The following ABHD18 variants were observed in gnomAD, a reference collection of about 807,000 sequenced individuals.
ABHD18 encodes abhydrolase domain containing 18.
Under a neutral mutation model 65.9 loss-of-function variants are expected in ABHD18, and 55 were observed. The observed-to-expected ratio is 0.84, with a 90% confidence interval of 0.67 to 1.05. The LOEUF is 1.05. ABHD18 is among the 50% of genes least tolerant of loss of function. ABHD18 has a pLI of 0.00. For synonymous variants in ABHD18, 181 were observed against 180.2 expected (o/e 1.00, Z -0.04); for missense variants, 533 against 558.5 (o/e 0.95, Z 0.46).
intron 4 of ABHD18, among the ~76,000 whole-genome samples, chr4:128,007,571 A>G (rs1753811253): frequency 6.6e-6 from 1 of 150,770 alleles, no homozygotes; most frequent in Admixed American, 6.7e-5. Flanking sequence ...GCGAGACCCC[A>G]TGTCTAAAAA....
At position 127,973,593 on chromosome 4, in the gene ABHD18, A is replaced by G. The variant is rs1229981410; in HGVS notation, c.-18+7987A>G. Among the ~76,000 whole-genome samples, 5 of 152,090 alleles carry G rather than the reference A, an allele frequency of 3.3e-5. No homozygotes were observed. In the East Asian group the frequency reaches 9.6e-4, roughly 29 times the overall value. ...CCTTCCTTGAGTTTGGGCAGAACCC[A>G]TGATTTGCTTTCTAACCAGGCATAT... On this transcript the variant is annotated intron_variant, in intron 1 of 12. Coordinates refer to ENST00000645843, the MANE Select transcript of ABHD18 (RefSeq NM_001358451.3).
intron 1 of ABHD18, among the ~76,000 whole-genome samples, chr4:127,980,825 CAAAAAA>C (rs768450115): frequency 1.9e-4 from 9 of 46,538 alleles, no homozygotes; most frequent in South Asian, 8.2e-4. Context: ...GACTGCATCT[CAAAAAA>C]AAAAAAAAAA....
At chr4:128,034,499 A>G (rs1184308540) in intron 12 of ABHD18, among the ~76,000 whole-genome samples, 1 of 152,116 alleles carries the variant, frequency 6.6e-6, no homozygotes, top group African/African-American at 2.4e-5. Flanking sequence ...CTTGAGGCCA[A>G]GAGTTTGAGG....
chr4:128,035,635 ATAGC>A lies in ABHD18; in HGVS notation c.1344-124_1344-121del, dbSNP rs1579503960. On this transcript the variant is annotated intron_variant, in intron 12 of 12. Coordinates refer to ENST00000645843, the MANE Select transcript of ABHD18 (RefSeq NM_001358451.3). ...TCTGGGGAGGGTAACTGCCTATTTC[ATAGC>A]TATTTAGAGAGGATGTCAAGTTGCA... is the stretch of plus-strand genomic sequence containing the variant. The A allele has an allele frequency of 5.2e-6, 3 of 574,078 alleles. No individual in the cohort carries two copies. In the East Asian group the frequency reaches 8.6e-5, roughly 16 times the overall value. The allele number at this position is 574,078 out of a possible 1,614,324, so 35.6% of individuals were successfully genotyped here.
At chr4:127,985,487 T>G (rs1449885703) in intron 3 of ABHD18, among the ~76,000 whole-genome samples, 2 of 152,168 alleles carry the variant, frequency 1.3e-5, no homozygotes, top group Non-Finnish European at 2.9e-5. Context: ...GTTCTTTCTG[T>G]ATCTTCTGAA....
chr4:128,015,299 C>T (rs1165257568), intron 7 of ABHD18, among the ~76,000 whole-genome samples: 5 of 152,120 alleles, frequency 3.3e-5, no homozygotes, highest in African/African-American at 2.4e-5. Flanking sequence ...ACTTCTCTGT[C>T]GCTCTCTCTT....
At chr4:127,999,546 TA>T (rs951306840) in intron 4 of ABHD18, among the ~76,000 whole-genome samples, 1 of 152,236 alleles carries the variant, frequency 6.6e-6, no homozygotes, top group African/African-American at 2.4e-5. Flanking sequence ...GAAGGCTACC[TA>T]TCAGGTACTA....
At chr4:128,025,568 C>T (rs750959457) in intron 10 of ABHD18, among the ~76,000 whole-genome samples, 31 of 152,150 alleles carry the variant, frequency 2.0e-4, no homozygotes, top group Non-Finnish European at 1.5e-4. Flanking sequence ...TGTTGTTTCT[C>T]ATCTTTTGCT....
chr4:127,977,443 G>T (rs2149055257), intron 1 of ABHD18, among the ~76,000 whole-genome samples: 1 of 152,348 alleles, frequency 6.6e-6, no homozygotes, highest in African/African-American at 2.4e-5. Context: ...CTGTACTCCA[G>T]TCTGGGCAAC....
intron 1 of ABHD18, among the ~76,000 whole-genome samples, chr4:127,975,887 A>ACC (rs1747821530): frequency 1.3e-5 from 2 of 152,210 alleles, no homozygotes; most frequent in East Asian, 3.9e-4. Context: ...GTGCAGTGGT[A>ACC]CAGTCTCGGC....
chr4:127,983,858 A>C (rs1335649389), intron 2 of ABHD18, among the ~76,000 whole-genome samples: 2 of 151,678 alleles, frequency 1.3e-5, no homozygotes, highest in Non-Finnish European at 2.9e-5. Context: ...CTCCGTCTCA[A>C]AAAAAATAAA....
chr4:128,026,929 G>T (rs1757460428), intron 10 of ABHD18, among the ~76,000 whole-genome samples: 2 of 151,692 alleles, frequency 1.3e-5, no homozygotes, highest in South Asian at 4.2e-4. Context: ...GGGATTACAG[G>T]TGCCCACCAC....
chr4:128,002,216 G>A (rs1239040), intron 4 of ABHD18, among the ~76,000 whole-genome samples: 119 of 152,158 alleles, frequency 7.8e-4, no homozygotes, highest in Non-Finnish European at 1.5e-3. Context: ...TGGAGGTTGC[G>A]GTGAGCCAAG....
intron 1 of ABHD18, chr4:127,966,149 T>C (rs146682941): frequency 4.6e-4 from 70 of 152,342 alleles, no homozygotes; most frequent in African/African-American, 1.7e-3. Context: ...TAGATCTCCA[T>C]GTTTATTTCT....
intron 1 of ABHD18, among the ~76,000 whole-genome samples, chr4:127,968,188 C>G (rs1234071561): frequency 6.6e-6 from 1 of 152,160 alleles, no homozygotes; most frequent in East Asian, 1.9e-4. Context: ...ACAGCCTGGG[C>G]GACAGAGCGA....
intron 4 of ABHD18, among the ~76,000 whole-genome samples, chr4:128,004,452 A>C (rs993613908): frequency 1.3e-5 from 2 of 148,186 alleles, no homozygotes; most frequent in African/African-American, 4.9e-5. Flanking sequence ...ACTCCATCTC[A>C]AAAAAAAAAG....
chr4:128,011,792 T>C (rs1754621332), intron 7 of ABHD18, 92 bp downstream of exon 7: 3 of 523,258 alleles, frequency 5.7e-6, no homozygotes, highest in East Asian at 1.7e-4. Context: ...CATTTCTAAA[T>C]TGAATACCTA....
At position 127,989,702 on chromosome 4, in the gene ABHD18, G is replaced by A. The variant is rs1033432785; in HGVS notation, c.178-19G>A. The A allele has an allele frequency of 6.7e-7, 1 of 1,503,160 alleles. No individual in the cohort carries two copies. The highest frequency in any genetic ancestry group is 9.0e-7 in the Non-Finnish European group (1 of 1,112,240). The allele number at this position is 1,503,160 out of a possible 1,614,324, so 93.1% of individuals were successfully genotyped here. A position where few individuals can be genotyped will look rare whatever the true frequency, so the allele number is the denominator to read the frequency against. ...ATCTTAGTTTTCTTGCATACATCTT[G>A]GTTTTGATTTTCTTTTAGATTGAAG... On this transcript the variant is annotated intron_variant, in intron 3 of 12. Transcript: ENST00000645843.
chr4:128,016,880 T>C (rs944124580), intron 7 of ABHD18, among the ~76,000 whole-genome samples: 1 of 152,234 alleles, frequency 6.6e-6, no homozygotes, highest in African/African-American at 2.4e-5. Flanking sequence ...TTTAGGTGAT[T>C]TGATATGTAA....
Sources: allele counts gnomAD v4.1 joint callset (sites outside exome capture counted in the v4.1 genomes callset), GRCh38; gene constraint gnomAD v4.1.1; transcripts MANE v1.5; gene names NCBI Gene and HGNC (gene_info 2026-07-23, HGNC 2026-07-21).